EYA2: variants seen among roughly 807,000 people sequenced by gnomAD.
The protein encoded by EYA2 is protein phosphatase EYA2.
A neutral mutation model predicts 69.2 loss-of-function variants in EYA2; 31 were observed. The observed-to-expected ratio is 0.45, with a 90% CI of 0.34 to 0.60. EYA2 has a LOEUF of 0.60. Among genes scored for constraint, EYA2 ranks in the 20% least tolerant of loss-of-function variants. The pLI, the probability that EYA2 is intolerant of heterozygous loss-of-function variation, is 0.02. For synonymous variants in EYA2, 257 were observed against 279.4 expected, an observed-to-expected ratio of 0.92 and a Z score of 0.80; for missense variants, 622 against 701.2, an observed-to-expected ratio of 0.89 and a Z score of 1.28.
chr20:47,151,370 CAA>C (rs11481571), intron 10 of EYA2, among the ~76,000 whole-genome samples: 1 of 143,120 alleles, frequency 7.0e-6, no homozygotes, highest in African/African-American at 2.5e-5. Flanking sequence ...GACTCCATCT[CAA>C]AAAAAAAAAG....
intron 2 of EYA2, chr20:46,997,808 A>G (rs1159519363): frequency 6.6e-6 from 1 of 152,388 alleles, no homozygotes; most frequent in Non-Finnish European, 1.5e-5. Context: ...GTCCACCTCC[A>G]TCTGCCAGAC....
intron 2 of EYA2, among the ~76,000 whole-genome samples, chr20:46,995,175 A>G (rs996581543): frequency 1.3e-5 from 2 of 152,238 alleles, no homozygotes; most frequent in Non-Finnish European, 1.5e-5. Context: ...TGCTGGGATT[A>G]GAGGCATGAG....
At chr20:47,103,838 T>A (rs1456501871) in intron 9 of EYA2, among the ~76,000 whole-genome samples, 2 of 152,262 alleles carry the variant, frequency 1.3e-5, no homozygotes, top group Admixed American at 1.3e-4. Flanking sequence ...CTATATTTTG[T>A]CTATCCATTT....
intron 10 of EYA2, among the ~76,000 whole-genome samples, chr20:47,154,860 T>TG (rs765107896): frequency 2.7e-5 from 4 of 147,278 alleles, no homozygotes; most frequent in Admixed American, 6.7e-5. Flanking sequence ...TGTGTGTGTG[T>TG]TTTGAGATGG....
intron 1 of EYA2, among the ~76,000 whole-genome samples, chr20:46,952,354 G>T (rs183234648): frequency 6.6e-6 from 1 of 152,304 alleles, no homozygotes; most frequent in African/African-American, 2.4e-5. Flanking sequence ...GGATCAGACA[G>T]GGCCTCATGG....
intron 1 of EYA2, among the ~76,000 whole-genome samples, chr20:46,945,216 AT>A (rs1455906307): frequency 6.6e-6 from 1 of 152,078 alleles, no homozygotes; most frequent in African/African-American, 2.4e-5. Flanking sequence ...TAAAATGGGG[AT>A]AATTATAATA....
intron 14 of EYA2, among the ~76,000 whole-genome samples, chr20:47,182,204 G>A (rs58483087): frequency 0.06 from 9,092 of 151,726 alleles, 882 homozygotes; most frequent in African/African-American, 0.2. Context: ...TAGTAGAGAC[G>A]GGGTTTCACC....
intron 2 of EYA2, among the ~76,000 whole-genome samples, chr20:46,994,762 A>T (rs372364916): frequency 6.6e-6 from 1 of 150,866 alleles, no homozygotes; most frequent in Admixed American, 6.6e-5. Context: ...GCTTTGTGGG[A>T]GGAAATGGTG....
At chr20:46,912,777 T>G (rs1984715378) in intron 1 of EYA2, among the ~76,000 whole-genome samples, 1 of 150,738 alleles carries the variant, frequency 6.6e-6, no homozygotes, top group Non-Finnish European at 1.5e-5. Context: ...CTCGGCTCAC[T>G]GCAAGCTCCG....
chr20:47,026,658 G>T (rs953871117), intron 5 of EYA2, among the ~76,000 whole-genome samples: 3 of 152,142 alleles, frequency 2.0e-5, no homozygotes, highest in Non-Finnish European at 1.5e-5. Context: ...CAGGATTTCA[G>T]ACTCAAATAG....
At chr20:46,900,470 G>A (rs1457355262) in intron 1 of EYA2, among the ~76,000 whole-genome samples, 2 of 152,202 alleles carry the variant, frequency 1.3e-5, no homozygotes, top group Admixed American at 6.5e-5. Flanking sequence ...TGTTTCTGCA[G>A]CATGCATACT....
At chr20:47,122,290 T>TG (rs2033069309) in intron 9 of EYA2, among the ~76,000 whole-genome samples, 1 of 110,792 alleles carries the variant, frequency 9.0e-6, no homozygotes, top group African/African-American at 5.4e-5. Context: ...ATTTTCTTGG[T>TG]TTTTTTTTTT....
At chr20:47,136,208 G>A (rs2033468725) in intron 9 of EYA2, among the ~76,000 whole-genome samples, 1 of 152,204 alleles carries the variant, frequency 6.6e-6, no homozygotes, top group African/African-American at 2.4e-5. Context: ...TTGGAGAGCT[G>A]ATAAATTTGA....
intron 9 of EYA2, among the ~76,000 whole-genome samples, chr20:47,103,738 C>T (rs2032497316): frequency 6.6e-6 from 1 of 152,226 alleles, no homozygotes; most frequent in Non-Finnish European, 1.5e-5. Flanking sequence ...GTTCCTCCAC[C>T]AACACAAGGG....
At chr20:47,146,056 A>T (rs1249617434) in intron 10 of EYA2, among the ~76,000 whole-genome samples, 1 of 152,126 alleles carries the variant, frequency 6.6e-6, no homozygotes, top group Non-Finnish European at 1.5e-5. Context: ...GGACTTGCTG[A>T]TAGACTAGAT....
chr20:46,987,992 ATATATG>A (rs1981394397), intron 1 of EYA2, among the ~76,000 whole-genome samples: 2 of 80,168 alleles, frequency 2.5e-5, no homozygotes, highest in African/African-American at 1.2e-4. Flanking sequence ...ATATATATAT[ATATATG>A]GGGCAAAAAA....
intron 1 of EYA2, among the ~76,000 whole-genome samples, chr20:46,963,752 GC>G (rs1979622135): frequency 6.6e-6 from 1 of 152,272 alleles, no homozygotes; most frequent in African/African-American, 2.4e-5. Flanking sequence ...GTGAGGACAG[GC>G]AGCTGGCCTC....
At chr20:46,927,728 C>A (rs566542205) in intron 1 of EYA2, among the ~76,000 whole-genome samples, 3 of 152,260 alleles carry the variant, frequency 2.0e-5, no homozygotes, top group Admixed American at 6.5e-5. Context: ...AGCTACAGTT[C>A]AAGATGAGAT....
intron 1 of EYA2, among the ~76,000 whole-genome samples, chr20:46,977,597 T>C (rs1468903509): frequency 1.3e-5 from 2 of 152,228 alleles, no homozygotes; most frequent in East Asian, 3.9e-4. Context: ...TGCTCTTTGG[T>C]GTGCTATGTA....
Sources: gnomAD v4.1 joint callset for allele counts (sites outside exome capture counted in the v4.1 genomes callset) on GRCh38, gnomAD v4.1.1 for gene constraint, MANE v1.5 for transcripts, NCBI Gene and HGNC (gene_info 2026-07-23, HGNC 2026-07-21) for gene names.